The following SECISBP2L variants were observed in gnomAD, a reference collection of about 807,000 sequenced individuals.
SECISBP2L encodes selenocysteine insertion sequence-binding protein 2-like.
A neutral mutation model predicts 114.7 loss-of-function variants in SECISBP2L; 43 were observed. The observed-to-expected ratio is 0.38, with a 90% CI of 0.29 to 0.48. The LOEUF (loss-of-function observed/expected upper bound fraction) is 0.48. Among genes scored for constraint, SECISBP2L ranks in the 20% least tolerant of loss-of-function variants. SECISBP2L has a pLI of 0.98. For missense variants in SECISBP2L, 1,136 were observed against 1,301.1 expected (o/e 0.87, Z 1.95); for synonymous variants, 451 against 439.7 (o/e 1.03, Z -0.32).
At chr15:49,029,084 G>A (rs1354199580) in intron 4 of SECISBP2L, among the ~76,000 whole-genome samples, 1 of 152,114 alleles carries the variant, frequency 6.6e-6, no homozygotes, top group Non-Finnish European at 1.5e-5. Context: ...AAACTCCTGA[G>A]CTCAAGCGAT....
intron 4 of SECISBP2L, among the ~76,000 whole-genome samples, chr15:49,029,359 C>G (rs138846670): frequency 6.6e-6 from 1 of 152,100 alleles, no homozygotes; most frequent in African/African-American, 2.4e-5. Context: ...CTTTTCTTTA[C>G]GCATTTGCCA....
Position 49,035,550 on chromosome 15 carries a change from T to A in SECISBP2L, c.312A>T (p.Thr104=). The A allele has an allele frequency of 6.2e-7, 1 of 1,614,194 alleles. No individual in the cohort carries two copies. Among genetic ancestry groups the A allele is most frequent in the Non-Finnish European group, 8.5e-7 (1 of 1,180,026 alleles). Residue 104 remains threonine, a synonymous_variant, in exon 3 of 18, where the codon ACA becomes ACT. Coordinates refer to ENST00000559471, the MANE Select transcript of SECISBP2L (RefSeq NM_001193489.2). ...PIISAQPPVS[T]EYTYYQLMPA... Reference sequence around the variant, plus strand: ...GCATCAGCTGATAATATGTATACTCTGTAGAAACAGGCGGCTGAGCAGATA... The same window carrying A: ...GCATCAGCTGATAATATGTATACTCAGTAGAAACAGGCGGCTGAGCAGATA...
chr15:49,016,257 T>A (rs1902533510), intron 11 of SECISBP2L, among the ~76,000 whole-genome samples: 1 of 152,072 alleles, frequency 6.6e-6, no homozygotes, highest in Admixed American at 6.6e-5. Flanking sequence ...TCTAGTATGA[T>A]ACAATAATGG....
In SECISBP2L at chr15:48,992,740, T is replaced by C. The variant is rs1490420809; in HGVS notation, c.2810A>G (p.Lys937Arg). Residue 937 changes from lysine to arginine, a missense_variant, in exon 18 of 18, where the codon AAA becomes AGA. Lys to Arg is a conservative substitution (Grantham distance 26, BLOSUM62 2). This residue lies in a region of SECISBP2L where 684 missense variants were observed against 848.7 expected (regional missense o/e 0.81). Coordinates refer to ENST00000559471, the MANE Select transcript of SECISBP2L (RefSeq NM_001193489.2). Reference protein sequence around the residue: ...GSTTSATSAGKSTASDKEEVK... With the variant: ...GSTTSATSAGRSTASDKEEVK... ...TTCCTCTTTATCACTTGCTGTGGATTTCCCAGCACTTGTAGCTGAGGTAGT... is the reference window on the plus strand; with the variant it reads ...TTCCTCTTTATCACTTGCTGTGGATCTCCCAGCACTTGTAGCTGAGGTAGT... 4.3e-6 allele frequency: 7 copies of C among 1,614,198 alleles called. No individual in the cohort carries two copies. The highest frequency in any genetic ancestry group is 5.9e-6 in the Non-Finnish European group (7 of 1,180,042).
chr15:49,029,146 G>A (rs1288945915), intron 4 of SECISBP2L, among the ~76,000 whole-genome samples: 1 of 152,092 alleles, frequency 6.6e-6, no homozygotes, highest in African/African-American at 2.4e-5. Context: ...GAGCTACCTC[G>A]CCCAGTCTAT....
intron 17 of SECISBP2L, chr15:48,996,060 T>C: frequency 3.5e-6 from 1 of 289,616 alleles, no homozygotes; most frequent in South Asian, 4.2e-5. Context: ...GAGCATAAAG[T>C]ATTGGAATAA....
At position 49,037,740 on chromosome 15, in the gene SECISBP2L, T is replaced by C. The variant is rs1328180354; in HGVS notation, c.54A>G (p.Pro18=). 1 of 1,608,312 alleles carries C rather than the reference T, an allele frequency of 6.2e-7. No homozygotes were observed. The highest frequency in any genetic ancestry group is 1.1e-5 in the South Asian group (1 of 90,296). ...QNVKLSAEVE[P]FIPQKKSPDT... ...CAGGACTCTTCTTCTGGGGAATAAA[T>C]GGCTCCACCTCAGCTGACAGCTTGA... The change falls in exon 2 of 18, where the codon CCA becomes CCG. Residue 18 remains proline, a synonymous_variant. Coordinates refer to ENST00000559471, the MANE Select transcript of SECISBP2L (RefSeq NM_001193489.2).
intron 17 of SECISBP2L, 146 bp from the exon 18 acceptor site, chr15:48,993,072 A>G: frequency 4.5e-6 from 3 of 666,614 alleles, no homozygotes; most frequent in Non-Finnish European, 7.5e-6. Flanking sequence ...AATTTAGTTT[A>G]TTTAGTACTA....
intron 2 of SECISBP2L, 78 bp from the exon 3 acceptor site, chr15:49,035,736 A>T: frequency 7.6e-7 from 1 of 1,315,380 alleles, no homozygotes; most frequent in Non-Finnish European, 1.0e-6. Flanking sequence ...CTTAACTTAC[A>T]CTAATAAAAG....
At chr15:49,032,727 T>G (rs750272022) in intron 4 of SECISBP2L, among the ~76,000 whole-genome samples, 15 of 152,174 alleles carry the variant, frequency 9.9e-5, no homozygotes, top group Non-Finnish European at 1.9e-4. Flanking sequence ...GCTCCATTAT[T>G]ACAAAAGGAA....
intron 11 of SECISBP2L, among the ~76,000 whole-genome samples, chr15:49,013,868 T>C (rs963386418): frequency 6.6e-6 from 1 of 152,154 alleles, no homozygotes; most frequent in African/African-American, 2.4e-5. Flanking sequence ...CCCTTGCATC[T>C]TTCGAGTTCC....
intron 4 of SECISBP2L, among the ~76,000 whole-genome samples, chr15:49,032,350 A>C (rs1371398710): frequency 6.6e-6 from 1 of 152,218 alleles, no homozygotes; most frequent in Non-Finnish European, 1.5e-5. Context: ...GTGAAATTTC[A>C]AAATATAAAC....
At chr15:49,003,476 T>G in intron 14 of SECISBP2L, among the ~76,000 whole-genome samples, 1 of 152,212 alleles carries the variant, frequency 6.6e-6, no homozygotes, top group Non-Finnish European at 1.5e-5. Context: ...CAACACTATG[T>G]TGAATAGGAG....
At chr15:49,027,605 TTA>T in intron 6 of SECISBP2L, 125 bp from the exon 7 acceptor site, 4 of 433,432 alleles carry the variant, frequency 9.2e-6, no homozygotes, top group Non-Finnish European at 1.6e-5. Context: ...TCTATAAACC[TTA>T]TTATTTTTTT....
rs1203447196 is a variant in SECISBP2L at position 49,007,498 on chromosome 15, G to T, written c.2027+1718C>A. On this transcript the variant is annotated intron_variant, in intron 14 of 17. Transcript: ENST00000559471. ...TTCTTTCAGAGATGCCCTGCCCAGA[G>T]AGGAGGAATCTAAAGAGGCAGTCTG... Among the ~76,000 whole-genome samples, 2 of 152,318 alleles carry T rather than the reference G, an allele frequency of 1.3e-5. 1 individual carries two copies. Among genetic ancestry groups the T allele is most frequent in the South Asian group, 4.1e-4 (2 of 4,830 alleles).
At chr15:49,033,122 AAAAC>A (rs1218559481) in intron 3 of SECISBP2L, 22 bp from the exon 4 acceptor site, 1 of 1,600,514 alleles carries the variant, frequency 6.2e-7, no homozygotes, top group African/African-American at 1.4e-5. Context: ...AAAAAACAAA[AAAAC>A]AAAAAACACA....
intron 3 of SECISBP2L, among the ~76,000 whole-genome samples, chr15:49,033,342 T>TATTAATAA (rs1902937319): frequency 6.6e-6 from 1 of 152,170 alleles, no homozygotes; most frequent in African/African-American, 2.4e-5. Context: ...TTAACACAAG[T>TATTAATAA]ATGATTAATA....
At chr15:49,025,379 C>A (rs1902719663) in intron 7 of SECISBP2L, among the ~76,000 whole-genome samples, 1 of 152,100 alleles carries the variant, frequency 6.6e-6, no homozygotes, top group Non-Finnish European at 1.5e-5. Context: ...TACTGAGGTA[C>A]CTTGGGGATG....
chr15:49,018,602 G>C (rs1240740012), intron 8 of SECISBP2L, among the ~76,000 whole-genome samples: 1 of 152,064 alleles, frequency 6.6e-6, no homozygotes, highest in Non-Finnish European at 1.5e-5. Context: ...CCTCAAGCAA[G>C]TTTTCCAGTT....
Sources: allele counts gnomAD v4.1 joint callset (sites outside exome capture counted in the v4.1 genomes callset), GRCh38; gene constraint gnomAD v4.1.1; regional missense constraint gnomAD v4.1.1; transcripts MANE v1.5; gene names NCBI Gene and HGNC (gene_info 2026-07-23, HGNC 2026-07-21).